Variants in GPC5 observed in about 807,000 individuals in gnomAD.
The protein encoded by GPC5 is glypican-5.
In GPC5, 47 loss-of-function variants were observed where a neutral mutation model predicts 53.9. The ratio of observed to expected loss-of-function variants is 0.87; its 90% CI spans 0.69 to 1.11. The LOEUF (loss-of-function observed/expected upper bound fraction) is 1.11. GPC5 is among the 50% of genes most tolerant of loss of function. The pLI is 0.00. For missense variants in GPC5, 748 were observed against 713.1 expected (o/e 1.05, Z -0.56); for synonymous variants, 286 against 263.3 (o/e 1.09, Z -0.84).
At chr13:92,254,760 C>T (rs138265506) in intron 7 of GPC5, among the ~76,000 whole-genome samples, 16 of 152,094 alleles carry the variant, frequency 1.1e-4, no homozygotes, top group African/African-American at 2.2e-4. Context: ...AGTGAAGGGG[C>T]GAAAAAGTCC....
At chr13:91,745,713 T>C (rs752160034) in intron 4 of GPC5, among the ~76,000 whole-genome samples, 7 of 152,080 alleles carry the variant, frequency 4.6e-5, no homozygotes, top group Admixed American at 6.6e-5. Flanking sequence ...AGAGCAGACT[T>C]AACAACTTGC....
intron 7 of GPC5, among the ~76,000 whole-genome samples, chr13:92,442,567 C>A (rs1170288159): frequency 6.6e-6 from 1 of 151,972 alleles, no homozygotes; most frequent in Admixed American, 6.6e-5. Flanking sequence ...ATCAATAGTA[C>A]CAGGATATAG....
At chr13:91,552,436 A>G (rs1319841524) in intron 2 of GPC5, among the ~76,000 whole-genome samples, 4 of 152,034 alleles carry the variant, frequency 2.6e-5, no homozygotes, top group African/African-American at 4.8e-5. Flanking sequence ...ACAGAAATAT[A>G]GAGGTATGAA....
intron 7 of GPC5, among the ~76,000 whole-genome samples, chr13:92,284,146 G>T (rs1262922252): frequency 6.6e-6 from 1 of 152,126 alleles, no homozygotes; most frequent in Non-Finnish European, 1.5e-5. Context: ...TAGAAGAAAT[G>T]GACAAATTCT....
chr13:92,415,259 T>A (rs1441957341), intron 7 of GPC5, among the ~76,000 whole-genome samples: 1 of 152,134 alleles, frequency 6.6e-6, no homozygotes, highest in South Asian at 2.1e-4. Flanking sequence ...GGACTTTTAG[T>A]GCAACACTCC....
At chr13:92,814,163 G>T (rs979006723) in intron 7 of GPC5, among the ~76,000 whole-genome samples, 2 of 151,618 alleles carry the variant, frequency 1.3e-5, no homozygotes, top group Admixed American at 6.6e-5. Flanking sequence ...GGAACAATTG[G>T]GTATAGATAT....
intron 2 of GPC5, among the ~76,000 whole-genome samples, chr13:91,617,520 G>A (rs76802711): frequency 0.013 from 1,933 of 152,190 alleles, 39 homozygotes; most frequent in African/African-American, 0.044. Flanking sequence ...TAGTAGTAAA[G>A]CCAGTTGCAA....
At chr13:92,142,854 C>T (rs1240739038) in intron 6 of GPC5, among the ~76,000 whole-genome samples, 1 of 152,114 alleles carries the variant, frequency 6.6e-6, no homozygotes, top group African/African-American at 2.4e-5. Flanking sequence ...CAAAAGAAAG[C>T]AGCATATCAC....
intron 6 of GPC5, among the ~76,000 whole-genome samples, chr13:92,128,027 C>G (rs765431766): frequency 2.0e-5 from 3 of 152,130 alleles, no homozygotes; most frequent in Non-Finnish European, 4.4e-5. Context: ...TCTTTACTCT[C>G]CAGGTGAAGG....
intron 6 of GPC5, among the ~76,000 whole-genome samples, chr13:91,950,013 T>C (rs1184579910): frequency 1.3e-5 from 2 of 152,162 alleles, no homozygotes; most frequent in Non-Finnish European, 2.9e-5. Context: ...TGAGGTCTAG[T>C]GGCATCAATT....
At chr13:92,385,892 C>A in intron 7 of GPC5, among the ~76,000 whole-genome samples, 2 of 146,986 alleles carry the variant, frequency 1.4e-5, no homozygotes, top group South Asian at 2.2e-4. Context: ...AAAAACATAC[C>A]CAAGTGACTC....
chr13:91,936,421 G>T (rs1181422690), intron 6 of GPC5, among the ~76,000 whole-genome samples: 1 of 152,008 alleles, frequency 6.6e-6, no homozygotes, highest in Admixed American at 6.6e-5. Context: ...TCAACAACAT[G>T]GCCGTCTGAG....
At chr13:92,367,817 T>C (rs1407969818) in intron 7 of GPC5, among the ~76,000 whole-genome samples, 1 of 152,142 alleles carries the variant, frequency 6.6e-6, no homozygotes, top group Non-Finnish European at 1.5e-5. Flanking sequence ...GAATGAAATA[T>C]AAAAAATTGG....
At chr13:92,373,799 T>C (rs2043670561) in intron 7 of GPC5, among the ~76,000 whole-genome samples, 2 of 152,190 alleles carry the variant, frequency 1.3e-5, no homozygotes, top group Non-Finnish European at 2.9e-5. Flanking sequence ...CATTTTACTC[T>C]TTCTAAAAGG....
intron 7 of GPC5, among the ~76,000 whole-genome samples, chr13:92,415,176 T>C (rs1334916274): frequency 1.3e-5 from 2 of 152,180 alleles, no homozygotes; most frequent in Non-Finnish European, 2.9e-5. Context: ...TTTGACAACA[T>C]GTTCATAACT....
chr13:92,615,911 G>C (rs1478002419), intron 7 of GPC5, among the ~76,000 whole-genome samples: 2 of 152,042 alleles, frequency 1.3e-5, no homozygotes, highest in South Asian at 2.1e-4. Flanking sequence ...AAAATTAGCC[G>C]GGCATAGTGG....
At chr13:92,613,515 A>G (rs9634629) in intron 7 of GPC5, among the ~76,000 whole-genome samples, 20,149 of 75,290 alleles carry the variant, frequency 0.27, 3,529 homozygotes, top group East Asian at 0.61. Context: ...TATATAAAAT[A>G]TAATATATAA....
chr13:92,610,744 C>G (rs1164012311), intron 7 of GPC5, among the ~76,000 whole-genome samples: 3 of 152,200 alleles, frequency 2.0e-5, no homozygotes, highest in East Asian at 3.9e-4. Context: ...GGGAAGCAGG[C>G]ACTTTCCTCA....
chr13:92,023,106 T>G (rs576966430), intron 6 of GPC5, among the ~76,000 whole-genome samples: 1 of 152,236 alleles, frequency 6.6e-6, no homozygotes, highest in East Asian at 1.9e-4. Flanking sequence ...TGTTTTAGAA[T>G]AAACAAAGTG....
Sources: gnomAD v4.1 joint callset for allele counts (sites outside exome capture counted in the v4.1 genomes callset) on GRCh38, gnomAD v4.1.1 for gene constraint, MANE v1.5 for transcripts, NCBI Gene and HGNC (gene_info 2026-07-23, HGNC 2026-07-21) for gene names.